ROBO2: variants seen among roughly 807,000 people sequenced by gnomAD.
ROBO2 encodes the protein roundabout homolog 2.
In ROBO2, 53 loss-of-function variants were observed where a neutral mutation model predicts 160.8. That is an observed-to-expected ratio of 0.33 (90% confidence interval 0.26 to 0.41). The LOEUF is 0.41. ROBO2 is among the 10% of genes least tolerant of loss of function. The pLI is 1.00. For synonymous variants in ROBO2, 664 were observed against 611.7 expected, an observed-to-expected ratio of 1.09 and a Z score of -1.26; for missense variants, 1,577 against 1,722.4, an observed-to-expected ratio of 0.92 and a Z score of 1.49.
chr3:76,753,260 A>G (rs1041012224), intron 2 of ROBO2, among the ~76,000 whole-genome samples: 3 of 151,920 alleles, frequency 2.0e-5, no homozygotes, highest in African/African-American at 7.2e-5. Flanking sequence ...TACCTCCAAC[A>G]AAATGGTGAT....
chr3:76,206,745 C>T (rs1221336820), intron 2 of ROBO2, among the ~76,000 whole-genome samples: 2 of 152,098 alleles, frequency 1.3e-5, no homozygotes, highest in Non-Finnish European at 1.5e-5. Context: ...TCTCTCTGAC[C>T]CTCACCTTTA....
chr3:77,410,660 T>TTCCTCCTCCTCTTCCTCCTCCTCTTCC (rs2076685338), intron 2 of ROBO2, among the ~76,000 whole-genome samples: 7 of 59,836 alleles, frequency 1.2e-4, no homozygotes, highest in African/African-American at 4.6e-4. Flanking sequence ...CCTCCTCTTC[T>TTCCTCCTCCTCTTCCTCCTCCTCTTCC]TCCTCCTCCT....
intron 2 of ROBO2, among the ~76,000 whole-genome samples, chr3:76,786,936 A>C (rs759473721): frequency 2.0e-5 from 3 of 151,418 alleles, no homozygotes; most frequent in Non-Finnish European, 3.0e-5. Context: ...GCTACACAGG[A>C]TGCATGGCTG....
intron 2 of ROBO2, among the ~76,000 whole-genome samples, chr3:76,647,748 A>C (rs1209477938): frequency 6.6e-6 from 1 of 152,142 alleles, no homozygotes; most frequent in Non-Finnish European, 1.5e-5. Context: ...GACATGAGGC[A>C]GACTAAAAAG....
intron 16 of ROBO2, among the ~76,000 whole-genome samples, chr3:77,583,039 G>C (rs1358254790): frequency 6.6e-6 from 1 of 151,288 alleles, no homozygotes; most frequent in Admixed American, 6.6e-5. Context: ...CTACTCGGGA[G>C]GCTGAGGCAG....
In ROBO2 at chr3:76,537,997, A is replaced by T. The variant is rs193218258; in HGVS notation, c.110-560017A>T. On this transcript the variant is annotated intron_variant, in intron 2 of 26. Coordinates refer to the ROBO2 transcript ENST00000487694. ...GTCATAGTGGTGGAAGGTCATATGG[A>T]GGGTCAATCGGTGAAGGCAGGAACT... is the stretch of plus-strand genomic sequence containing the variant. Among the ~76,000 whole-genome samples the T allele has an allele frequency of 2.8e-4, 42 of 152,160 alleles. 2 individuals carry two copies. The highest frequency in any genetic ancestry group is 2.7e-3 in the South Asian group (13 of 4,816).
chr3:76,383,736 A>G (rs186774907), intron 2 of ROBO2, among the ~76,000 whole-genome samples: 34 of 152,372 alleles, frequency 2.2e-4, no homozygotes, highest in Admixed American at 1.9e-3. Flanking sequence ...AAAACAAAAA[A>G]CAAAAAACAA....
intron 2 of ROBO2, among the ~76,000 whole-genome samples, chr3:76,787,473 TA>T (rs1272304204): frequency 6.6e-6 from 1 of 151,290 alleles, no homozygotes; most frequent in East Asian, 2.0e-4. Flanking sequence ...GGGCAAGGTT[TA>T]AATTTGTTTC....
intron 5 of ROBO2, among the ~76,000 whole-genome samples, chr3:77,504,831 T>C (rs558085102): frequency 1.2e-3 from 189 of 152,350 alleles, no homozygotes; most frequent in African/African-American, 4.4e-3. Context: ...ATATACAAAC[T>C]ATGATATTTG....
chr3:77,011,371 A>G (rs957171159), intron 2 of ROBO2, among the ~76,000 whole-genome samples: 1 of 152,150 alleles, frequency 6.6e-6, no homozygotes, highest in Non-Finnish European at 1.5e-5. Flanking sequence ...ATAAGTATGC[A>G]TATTAGTAAT....
intron 2 of ROBO2, among the ~76,000 whole-genome samples, chr3:76,711,490 G>A (rs1400183555): frequency 1.3e-5 from 2 of 152,124 alleles, no homozygotes; most frequent in East Asian, 1.9e-4. Flanking sequence ...TCAGATTCCC[G>A]TCTTTAGGTG....
chr3:77,314,022 G>A (rs570584365), intron 2 of ROBO2, among the ~76,000 whole-genome samples: 1 of 152,318 alleles, frequency 6.6e-6, no homozygotes, highest in East Asian at 1.9e-4. Context: ...CCAGGGTGAA[G>A]GAATGTTGAC....
intron 2 of ROBO2, among the ~76,000 whole-genome samples, chr3:76,277,858 C>T (rs969081484): frequency 5.3e-5 from 8 of 151,282 alleles, no homozygotes; most frequent in Non-Finnish European, 7.4e-5. Context: ...GCCCTTCACT[C>T]CCAGCAATAG....
rs866154183 is a variant in ROBO2, at chr3:75,974,492, G to A, written c.109+36890G>A. On this transcript the variant is annotated intron_variant, in intron 2 of 26. Transcript: ENST00000487694. The stretch of plus-strand genomic sequence containing the variant: ...TTAGCTATCTTGGGAATGTTTTGGG[G>A]GTTAAAATCCATTAATTAAGTAAAA... Among the ~76,000 whole-genome samples the A allele has an allele frequency of 2.0e-5, 3 of 151,398 alleles. No individual in the cohort carries two copies. In the South Asian group the frequency reaches 6.2e-4, roughly 31 times the overall value.
chr3:77,440,166 C>A (rs1413252866), intron 2 of ROBO2, among the ~76,000 whole-genome samples: 1 of 151,974 alleles, frequency 6.6e-6, no homozygotes, highest in Non-Finnish European at 1.5e-5. Flanking sequence ...GTAAGATGAC[C>A]ATTACTATTC....
In ROBO2 at chr3:76,400,558, A is replaced by G. The variant is rs909241734; in HGVS notation, c.109+462956A>G. 2.2e-4 allele frequency among the ~76,000 whole-genome samples: 33 copies of G among 151,596 alleles called. 1 individual carries two copies. Among genetic ancestry groups the G allele is most frequent in the Admixed American group, 6.6e-4 (10 of 15,130 alleles). ...ACAAATTGCTTTAACAAATGTTTAT[A>G]TTTTTGCTTTAAAATATATGGTAAT... On this transcript the variant is annotated intron_variant, in intron 2 of 26. Transcript: ENST00000487694.
At chr3:77,611,635 C>G (rs2094645161) in intron 21 of ROBO2, among the ~76,000 whole-genome samples, 1 of 152,178 alleles carries the variant, frequency 6.6e-6, no homozygotes, top group African/African-American at 2.4e-5. Context: ...AGTATTATTT[C>G]TAAAAGCTTA....
At chr3:77,170,332 AT>A (rs1179611459) in intron 2 of ROBO2, among the ~76,000 whole-genome samples, 3 of 152,180 alleles carry the variant, frequency 2.0e-5, no homozygotes, top group Admixed American at 2.0e-4. Flanking sequence ...TTAAAAGAAC[AT>A]ACATATGTGT....
chr3:76,326,506 T>G (rs573682998), intron 2 of ROBO2, among the ~76,000 whole-genome samples: 2 of 151,156 alleles, frequency 1.3e-5, no homozygotes, highest in Non-Finnish European at 2.9e-5. Context: ...ATGCATATAT[T>G]ACATACATAT....
Sources: gnomAD v4.1 joint callset for allele counts (sites outside exome capture counted in the v4.1 genomes callset) on GRCh38, gnomAD v4.1.1 for gene constraint, MANE v1.5 for transcripts, NCBI Gene and HGNC (gene_info 2026-07-23, HGNC 2026-07-21) for gene names.